Variants in PPP2R2B observed in about 807,000 individuals in gnomAD.
PPP2R2B encodes the protein protein phosphatase 2 regulatory subunit Bbeta.
Under a neutral mutation model 46.0 loss-of-function variants are expected in PPP2R2B, and 5 were observed. The ratio of observed to expected loss-of-function variants is 0.11; its 90% CI spans 0.06 to 0.23. The LOEUF is 0.23. PPP2R2B is among the 10% of genes least tolerant of loss of function. The pLI is 1.00. For missense variants in PPP2R2B, 367 were observed against 575.0 expected, an observed-to-expected ratio of 0.64 and a Z score of 3.70; for synonymous variants, 215 against 206.7, an observed-to-expected ratio of 1.04 and a Z score of -0.34.
rs1320452050 is a variant in PPP2R2B at position 146,895,495 on chromosome 5, T to C, written c.79+160170A>G. Among the ~76,000 whole-genome samples, 3 of 152,250 alleles carry C rather than the reference T, an allele frequency of 2.0e-5. No individual in the cohort carries two copies. The East Asian group carries it at 5.8e-4, about 29-fold the overall frequency. On this transcript the variant is annotated intron_variant, in intron 1 of 8. Transcript: ENST00000336640. The stretch of plus-strand genomic sequence containing the variant: ...CTAAGTACTGACACACAAAAGTTTG[T>C]TAAACTGATTCATGAATTAAAAACA...
upstream of PPP2R2B, among the ~76,000 whole-genome samples, chr5:147,057,803 T>G (rs542005182): frequency 1.3e-5 from 2 of 152,296 alleles, no homozygotes; most frequent in African/African-American, 4.8e-5. Context: ...GCCTTTGACA[T>G]TGACTTGCTG....
chr5:146,672,154 G>A (rs1346917043), intron 5 of PPP2R2B, among the ~76,000 whole-genome samples: 2 of 152,162 alleles, frequency 1.3e-5, no homozygotes, highest in African/African-American at 4.8e-5. Flanking sequence ...ATTTGCTGCT[G>A]CTTTCACAAT....
chr5:146,757,723 T>C (rs537636287), intron 2 of PPP2R2B, among the ~76,000 whole-genome samples: 3 of 152,276 alleles, frequency 2.0e-5, no homozygotes, highest in African/African-American at 7.2e-5. Context: ...ATTGCTTGTA[T>C]CCCAAATCAC....
At chr5:146,887,633 A>G (rs1762371096) in intron 1 of PPP2R2B, among the ~76,000 whole-genome samples, 1 of 152,246 alleles carries the variant, frequency 6.6e-6, no homozygotes, top group African/African-American at 2.4e-5. Context: ...AACTCAGACA[A>G]GAAAGATGTG....
At chr5:146,881,757 A>G (rs192506624), upstream of PPP2R2B, among the ~76,000 whole-genome samples, 2 of 152,164 alleles carry the variant, frequency 1.3e-5, no homozygotes, top group East Asian at 3.9e-4. Flanking sequence ...GTAGATGCTT[A>G]ATTATATTTG....
intron 1 of PPP2R2B, among the ~76,000 whole-genome samples, chr5:146,938,552 T>A (rs1185737884): frequency 2.0e-5 from 3 of 152,102 alleles, no homozygotes; most frequent in Admixed American, 6.6e-5. Context: ...CATTGCATTT[T>A]AAAAATCAGG....
chr5:146,872,225 T>C (rs1404609532), intron 2 of PPP2R2B, among the ~76,000 whole-genome samples: 1 of 152,206 alleles, frequency 6.6e-6, no homozygotes, highest in Non-Finnish European at 1.5e-5. Context: ...AATGAATACT[T>C]GCTAGTGATT....
intron 6 of PPP2R2B, among the ~76,000 whole-genome samples, chr5:146,641,350 C>A (rs751548528): frequency 3.5e-4 from 53 of 152,102 alleles, no homozygotes; most frequent in Non-Finnish European, 5.9e-4. Flanking sequence ...ACAAAGCTGG[C>A]CAAAATGTGA....
chr5:147,022,787 A>C (rs371680750), intron 1 of PPP2R2B, among the ~76,000 whole-genome samples: 9 of 152,126 alleles, frequency 5.9e-5, no homozygotes, highest in African/African-American at 1.2e-4. Flanking sequence ...AGAGCAAACC[A>C]TAAGATAATG....
intron 1 of PPP2R2B, among the ~76,000 whole-genome samples, chr5:146,952,726 G>A (rs1751671154): frequency 6.6e-6 from 1 of 152,128 alleles, no homozygotes; most frequent in Non-Finnish European, 1.5e-5. Flanking sequence ...AACACCATCT[G>A]TATAGTCTGG....
chr5:146,930,666 G>T (rs1000283465), intron 1 of PPP2R2B, among the ~76,000 whole-genome samples: 2 of 152,106 alleles, frequency 1.3e-5, no homozygotes, highest in Non-Finnish European at 2.9e-5. Flanking sequence ...CAACTCAGAG[G>T]ATAAGGGAAT....
upstream of PPP2R2B, among the ~76,000 whole-genome samples, chr5:147,058,940 C>T (rs1757174323): frequency 6.6e-6 from 1 of 152,174 alleles, no homozygotes; most frequent in African/African-American, 2.4e-5. Flanking sequence ...GCCAATGGAT[C>T]CAGATTCCCT....
chr5:146,924,828 TG>T (rs948388239), intron 1 of PPP2R2B, among the ~76,000 whole-genome samples: 7 of 152,188 alleles, frequency 4.6e-5, no homozygotes, highest in African/African-American at 1.7e-4. Context: ...CTGAGAATGA[TG>T]GTTTCCAGCT....
intron 1 of PPP2R2B, among the ~76,000 whole-genome samples, chr5:147,003,340 C>T (rs1754278402): frequency 6.6e-6 from 1 of 152,004 alleles, no homozygotes; most frequent in African/African-American, 2.4e-5. Flanking sequence ...ATGTCCCCTT[C>T]AAGCTGTAGG....
chr5:147,008,744 G>A (rs2151875606), intron 1 of PPP2R2B, among the ~76,000 whole-genome samples: 1 of 152,248 alleles, frequency 6.6e-6, no homozygotes, highest in East Asian at 1.9e-4. Flanking sequence ...AGATGTTTGA[G>A]GGTTTCTATT....
Position 146,586,246 on chromosome 5 carries a change from C to T in PPP2R2B, c.*3701G>A, listed in dbSNP as rs995164623. 3 of 152,314 alleles carry T rather than the reference C, an allele frequency of 2.0e-5. No individual in the cohort carries two copies. Among genetic ancestry groups the T allele is most frequent in the African/African-American group, 7.2e-5 (3 of 41,446 alleles). 9.4% of individuals were successfully genotyped at this position (152,314 alleles called of 1,614,324 possible). A position where few individuals can be genotyped will look rare whatever the true frequency, so the allele number is the denominator to read the frequency against. ...GGAAGTGGGGTGGCATTATTAAAAA[C>T]ACACCGGCTTCATCCACACATTCAT... is the stretch of plus-strand genomic sequence containing the variant. On this transcript the variant is annotated 3_prime_UTR_variant, in exon 10 of 10. Coordinates refer to ENST00000394411, the MANE Select transcript of PPP2R2B (RefSeq NM_181675.4).
intron 5 of PPP2R2B, among the ~76,000 whole-genome samples, chr5:146,680,260 T>C (rs1473105346): frequency 6.9e-5 from 10 of 145,180 alleles, no homozygotes; most frequent in Non-Finnish European, 1.2e-4. Context: ...ATGGATGAAA[T>C]TGGAAATCAT....
At chr5:146,809,546 G>A (rs747499293) in intron 2 of PPP2R2B, among the ~76,000 whole-genome samples, 1 of 151,980 alleles carries the variant, frequency 6.6e-6, no homozygotes, top group Non-Finnish European at 1.5e-5. Flanking sequence ...TAGAGGGAGT[G>A]GTCAGAGAAG....
intron 2 of PPP2R2B, among the ~76,000 whole-genome samples, chr5:146,809,709 T>C (rs561707653): frequency 6.6e-6 from 1 of 152,308 alleles, no homozygotes; most frequent in East Asian, 1.9e-4. Flanking sequence ...CGTTTGCTAC[T>C]AAGAACAACG....
Sources: allele counts gnomAD v4.1 joint callset (sites outside exome capture counted in the v4.1 genomes callset), GRCh38; gene constraint gnomAD v4.1.1; transcripts MANE v1.5; gene names NCBI Gene and HGNC (gene_info 2026-07-23, HGNC 2026-07-21).